The following ENOX1 variants were observed in gnomAD, a reference collection of about 807,000 sequenced individuals.
ENOX1 encodes ecto-NOX disulfide-thiol exchanger 1, also known as candidate growth-related and time keeping constitutive hydroquinone (NADH) oxidase.
ENOX1 carries 42 observed loss-of-function variants against 82.5 expected under a neutral mutation model. The observed-to-expected ratio is 0.51, with a 90% CI of 0.40 to 0.66. The LOEUF (loss-of-function observed/expected upper bound fraction) is 0.66, where lower values mean the gene tolerates loss of function less well. Ranked by LOEUF, ENOX1 falls within the 30% of genes least tolerant of loss-of-function variation. ENOX1 has a pLI of 0.00. For synonymous variants in ENOX1, 271 were observed against 282.2 expected (o/e 0.96, Z 0.40); for missense variants, 608 against 811.6 (o/e 0.75, Z 3.05).
At chr13:43,352,822 C>G (rs1026995486) in intron 8 of ENOX1, among the ~76,000 whole-genome samples, 1 of 152,198 alleles carries the variant, frequency 6.6e-6, no homozygotes, top group Non-Finnish European at 1.5e-5. Flanking sequence ...AGAAGATCCT[C>G]CCTCTCTCAC....
chr13:43,721,320 A>G (rs1371686088), intron 1 of ENOX1, among the ~76,000 whole-genome samples: 1 of 151,816 alleles, frequency 6.6e-6, no homozygotes, highest in East Asian at 1.9e-4. Flanking sequence ...GCAAATTTAA[A>G]ACACCATAAA....
chr13:43,469,166 A>G (rs567546083), intron 3 of ENOX1, among the ~76,000 whole-genome samples: 3 of 152,286 alleles, frequency 2.0e-5, no homozygotes, highest in South Asian at 4.1e-4. Flanking sequence ...TTTGTTGAGC[A>G]TATTTATCAT....
intron 12 of ENOX1, among the ~76,000 whole-genome samples, chr13:43,291,024 C>G (rs987593135): frequency 6.6e-6 from 1 of 152,134 alleles, no homozygotes; most frequent in Admixed American, 6.5e-5. Flanking sequence ...GAGACTCCAT[C>G]TCAAAAAAAT....
chr13:43,271,710 CCT>C (rs879791905), intron 12 of ENOX1, among the ~76,000 whole-genome samples: 6 of 152,062 alleles, frequency 3.9e-5, no homozygotes, highest in Admixed American at 1.3e-4. Context: ...CATATACACC[CCT>C]TTCTCTTGAC....
At position 43,360,017 on chromosome 13, in the gene ENOX1, A is replaced by G. The variant is rs1163219424; in HGVS notation, c.423T>C (p.Cys141=). 6 of 1,614,116 alleles carry G rather than the reference A, an allele frequency of 3.7e-6. No homozygotes were observed. The highest frequency in any genetic ancestry group is 5.1e-6 in the Non-Finnish European group (6 of 1,180,048). ...GTAATCCTCCGACAAACACGGTCTT[A>G]CACCCAGGAGGTCGTTCTCTTGTGG... ...PPSTRERPPG[C]KTVFVGGLPE... is the part of the protein sequence containing the mutation. Residue 141 remains cysteine (C), a synonymous_variant, in exon 7 of 17, where the codon TGT becomes TGC. Coordinates refer to ENST00000690772, the MANE Select transcript of ENOX1 (RefSeq NM_001347969.2).
At chr13:43,415,810 G>A (rs1003378866) in intron 3 of ENOX1, among the ~76,000 whole-genome samples, 4 of 151,872 alleles carry the variant, frequency 2.6e-5, no homozygotes, top group African/African-American at 4.8e-5. Flanking sequence ...GGGCAGAAGC[G>A]CTCCTCACTT....
At chr13:43,262,728 C>T (rs111565561) in intron 14 of ENOX1, among the ~76,000 whole-genome samples, 5,195 of 152,206 alleles carry the variant, frequency 0.034, 300 homozygotes, top group African/African-American at 0.12. Flanking sequence ...CCGCCCACCT[C>T]GGCCTCCCAA....
chr13:43,443,420 C>T (rs972069264), intron 3 of ENOX1, among the ~76,000 whole-genome samples: 1 of 152,170 alleles, frequency 6.6e-6, no homozygotes, highest in African/African-American at 2.4e-5. Context: ...ACTTGATCCA[C>T]CTTCCAAAAG....
chr13:43,771,893 T>C (rs1951634215), intron 1 of ENOX1, among the ~76,000 whole-genome samples: 1 of 151,128 alleles, frequency 6.6e-6, no homozygotes, highest in Non-Finnish European at 1.5e-5. Context: ...GCCTCCCGAG[T>C]AGCTGGGAAT....
intron 1 of ENOX1, among the ~76,000 whole-genome samples, chr13:43,676,271 C>A (rs2085503367): frequency 6.6e-6 from 1 of 152,106 alleles, no homozygotes; most frequent in Admixed American, 6.6e-5. Context: ...GTCTTTGTAA[C>A]ATTATTTAAA....
At chr13:43,401,803 G>C (rs1211478613) in intron 5 of ENOX1, among the ~76,000 whole-genome samples, 1 of 152,180 alleles carries the variant, frequency 6.6e-6, no homozygotes, top group Non-Finnish European at 1.5e-5. Flanking sequence ...ATTATCTCCA[G>C]TCTAAAGGCT....
chr13:43,585,819 C>T (rs1005884463), intron 2 of ENOX1, among the ~76,000 whole-genome samples: 5 of 152,224 alleles, frequency 3.3e-5, no homozygotes, highest in Admixed American at 6.5e-5. Flanking sequence ...CCTCATGATC[C>T]GCCCACGTTG....
intron 14 of ENOX1, among the ~76,000 whole-genome samples, chr13:43,248,043 G>A (rs1297145927): frequency 6.7e-6 from 1 of 148,452 alleles, no homozygotes; most frequent in Admixed American, 6.7e-5. Flanking sequence ...CCGCCACTAC[G>A]CCTGTCTAAT....
chr13:43,680,984 GAGAA>G (rs1727794105), intron 1 of ENOX1, among the ~76,000 whole-genome samples: 2 of 152,088 alleles, frequency 1.3e-5, no homozygotes, highest in Admixed American at 1.3e-4. Context: ...CATGAAAGGA[GAGAA>G]AGAGAGAGCA....
At chr13:43,600,896 G>A (rs763243805) in intron 2 of ENOX1, among the ~76,000 whole-genome samples, 6 of 152,178 alleles carry the variant, frequency 3.9e-5, no homozygotes, top group Non-Finnish European at 8.8e-5. Flanking sequence ...GTAATCCAGA[G>A]AATTCTTCCA....
chr13:43,513,321 A>T (rs2077441023), intron 2 of ENOX1, among the ~76,000 whole-genome samples: 1 of 152,070 alleles, frequency 6.6e-6, no homozygotes, highest in Admixed American at 6.5e-5. Context: ...GTAAAACATT[A>T]AAAAAATTGT....
At chr13:43,319,664 G>A (rs1399437498) in intron 11 of ENOX1, among the ~76,000 whole-genome samples, 1 of 152,132 alleles carries the variant, frequency 6.6e-6, no homozygotes, top group African/African-American at 2.4e-5. Flanking sequence ...CCTGCAGTGG[G>A]TGCAGCCTCA....
chr13:43,553,460 T>A (rs1479575342), intron 2 of ENOX1, among the ~76,000 whole-genome samples: 1 of 152,308 alleles, frequency 6.6e-6, no homozygotes, highest in Non-Finnish European at 1.5e-5. Context: ...GGTGTCAAAG[T>A]ACTCACCGCT....
intron 1 of ENOX1, among the ~76,000 whole-genome samples, chr13:43,719,538 C>A (rs2088416232): frequency 6.6e-6 from 1 of 152,090 alleles, no homozygotes; most frequent in Non-Finnish European, 1.5e-5. Context: ...ATAAGAAGAT[C>A]ACACGCGAAA....
Sources: gnomAD v4.1 joint callset for allele counts (sites outside exome capture counted in the v4.1 genomes callset) on GRCh38, gnomAD v4.1.1 for gene constraint, MANE v1.5 for transcripts, NCBI Gene and HGNC (gene_info 2026-07-23, HGNC 2026-07-21) for gene names.